Variants in KCNG3 observed in about 807,000 individuals in gnomAD.
KCNG3 encodes the protein potassium voltage-gated channel modifier subfamily G member 3.
In KCNG3, 15 loss-of-function variants were observed where a neutral mutation model predicts 29.0. The observed-to-expected ratio is 0.52, with a 90% CI of 0.35 to 0.80. The LOEUF is 0.80. KCNG3 is among the 30% of genes least tolerant of loss of function. The probability of loss-of-function intolerance (pLI) is 0.01; values close to 1 mark genes in which losing one functional copy is unlikely to be tolerated. For synonymous variants in KCNG3, 322 were observed against 248.9 expected (o/e 1.29, Z -2.76); for missense variants, 512 against 605.7 (o/e 0.85, Z 1.62).
chr2:42,412,138 C>G, the KCNG3 span, among the ~76,000 whole-genome samples: 1 of 152,204 alleles, frequency 6.6e-6, no homozygotes, highest in Admixed American at 6.5e-5. Context: ...GTGGTGGCAG[C>G]AGCAGTGACA....
chr2:42,448,841 A>G (rs1159753078), intron 1 of KCNG3, among the ~76,000 whole-genome samples: 1 of 151,980 alleles, frequency 6.6e-6, no homozygotes, highest in South Asian at 2.1e-4. Context: ...AGCCGGGCGC[A>G]GTGGCGGGTG....
At chr2:42,421,655 C>A in the KCNG3 span, among the ~76,000 whole-genome samples, 1 of 151,988 alleles carries the variant, frequency 6.6e-6, no homozygotes. Flanking sequence ...AGCTGTGGGC[C>A]CCATACCCTC....
the KCNG3 span, among the ~76,000 whole-genome samples, chr2:42,398,247 A>G: frequency 7.3e-6 from 1 of 137,630 alleles, no homozygotes. Context: ...AAATAAATAA[A>G]TAAATAAATA....
chr2:42,445,108 G>C (rs980555877), intron 1 of KCNG3, among the ~76,000 whole-genome samples: 1 of 149,294 alleles, frequency 6.7e-6, no homozygotes, highest in Non-Finnish European at 1.5e-5. Flanking sequence ...ACTTGATAAA[G>C]TTCTTACTTC....
intron 1 of KCNG3, chr2:42,463,885 C>A: frequency 3.4e-6 from 1 of 296,392 alleles, no homozygotes; most frequent in South Asian, 3.0e-5. Flanking sequence ...AAATTCTAAT[C>A]CCTTCTCAGA....
intron 1 of KCNG3, among the ~76,000 whole-genome samples, chr2:42,452,243 A>ATATATATGTATATATATATTTTT: frequency 2.1e-5 from 2 of 95,066 alleles, no homozygotes; most frequent in African/African-American, 7.9e-5. Context: ...ATATATATAT[A>ATATATATGTATATATATATTTTT]TTTTTTTTTT....
chr2:42,409,147 T>A, the KCNG3 span, among the ~76,000 whole-genome samples: 3 of 151,980 alleles, frequency 2.0e-5, no homozygotes, highest in Non-Finnish European at 4.4e-5. Context: ...TGGTGTGGGA[T>A]CCAGGCTGGC....
rs1558393315 is a variant in KCNG3, at chr2:42,493,155, A to C, written c.347T>G (p.Leu116Arg). ...AHLEYCCQRR[L>R]DDRMSDTYTF... The stretch of plus-strand genomic sequence containing the variant: ...GTAGGTGTCGGACATGCGGTCGTCG[A>C]GGCGGCGCTGGCAGCAGTACTCGAG... Residue 116 changes from leucine (L) to arginine (R), a missense_variant, in exon 1 of 2, where the codon CTC (leucine) becomes CGC (arginine). Coordinates refer to ENST00000306078, the MANE Select transcript of KCNG3 (RefSeq NM_133329.6). 6.2e-7 allele frequency: 1 copy of C among 1,606,364 alleles called. No individual in the cohort carries two copies. Among genetic ancestry groups the C allele is most frequent in the Non-Finnish European group, 8.5e-7 (1 of 1,179,210 alleles).
chr2:42,436,931 T>A, the KCNG3 span, among the ~76,000 whole-genome samples: 2 of 152,098 alleles, frequency 1.3e-5, no homozygotes, highest in Non-Finnish European at 2.9e-5. Flanking sequence ...AAAAATGAAA[T>A]TTTTTTTAAA....
At chr2:42,437,108 G>A (rs950812110), downstream of KCNG3, among the ~76,000 whole-genome samples, 3 of 152,048 alleles carry the variant, frequency 2.0e-5, no homozygotes, top group African/African-American at 7.2e-5. Flanking sequence ...GAAGTGGGGT[G>A]CACCTAATTA....
chr2:42,465,913 A>C (rs1287863050), intron 1 of KCNG3, among the ~76,000 whole-genome samples: 1 of 152,218 alleles, frequency 6.6e-6, no homozygotes, highest in African/African-American at 2.4e-5. Flanking sequence ...CACCACAATG[A>C]GACATTACTA....
At position 42,493,853 on chromosome 2, in the gene KCNG3, G is replaced by A. The variant is rs1673996254; in HGVS notation, c.-352C>T. ...CCGCGGTGCCCTCTCCCAAGCCGCG[G>A]GGCCGACCCCCTGAGGGCTGCGGGC... On this transcript the variant is annotated 5_prime_UTR_variant, in exon 1 of 2. Coordinates refer to ENST00000306078, the MANE Select transcript of KCNG3 (RefSeq NM_133329.6). The A allele has an allele frequency of 1.0e-5, 2 of 199,530 alleles. No homozygotes were observed. The highest frequency in any genetic ancestry group is 2.0e-5 in the Non-Finnish European group (2 of 99,092). The allele number at this position is 199,530 out of a possible 1,614,324, so 12.4% of individuals were successfully genotyped here. A position where few individuals can be genotyped will look rare whatever the true frequency, so the allele number is the denominator to read the frequency against.
At chr2:42,480,960 T>A (rs182465193) in intron 1 of KCNG3, among the ~76,000 whole-genome samples, 1 of 152,014 alleles carries the variant, frequency 6.6e-6, no homozygotes, top group South Asian at 2.1e-4. Flanking sequence ...TTTCTATTTT[T>A]AGTAGAGACA....
chr2:42,402,273 T>C, the KCNG3 span, among the ~76,000 whole-genome samples: 2 of 152,248 alleles, frequency 1.3e-5, no homozygotes, highest in Non-Finnish European at 2.9e-5. Context: ...GCAGACAGCA[T>C]ATCGTGGGGC....
At chr2:42,409,556 T>C in the KCNG3 span, among the ~76,000 whole-genome samples, 2 of 151,222 alleles carry the variant, frequency 1.3e-5, no homozygotes, top group Non-Finnish European at 2.9e-5. Context: ...GTACAAAAAT[T>C]AGCCAGGCAT....
chr2:42,454,543 C>G (rs138439996), intron 1 of KCNG3, among the ~76,000 whole-genome samples: 1 of 152,218 alleles, frequency 6.6e-6, no homozygotes, highest in Non-Finnish European at 1.5e-5. Flanking sequence ...AAAACCTCGT[C>G]TCTACTAAAA....
At chr2:42,437,504 T>G (rs373153505), downstream of KCNG3, among the ~76,000 whole-genome samples, 4 of 152,340 alleles carry the variant, frequency 2.6e-5, no homozygotes, top group African/African-American at 9.6e-5. Flanking sequence ...ATAAACAACC[T>G]TCACATAGAT....
chr2:42,457,142 T>C (rs1244520268), intron 1 of KCNG3, among the ~76,000 whole-genome samples: 1 of 152,006 alleles, frequency 6.6e-6, no homozygotes, highest in East Asian at 1.9e-4. Flanking sequence ...CTGTATGCAA[T>C]AGGTTTTGTT....
At chr2:42,424,244 C>T in the KCNG3 span, among the ~76,000 whole-genome samples, 1 of 152,188 alleles carries the variant, frequency 6.6e-6, no homozygotes, top group Admixed American at 6.5e-5. Flanking sequence ...TTTGTCCAAA[C>T]ATTCGTCAGA....
Sources: allele counts gnomAD v4.1 joint callset (sites outside exome capture counted in the v4.1 genomes callset), GRCh38; gene constraint gnomAD v4.1.1; transcripts MANE v1.5; gene names NCBI Gene and HGNC (gene_info 2026-07-23, HGNC 2026-07-21).